ARFGEF3: variants seen among roughly 807,000 people sequenced by gnomAD.
ARFGEF3 encodes brefeldin A-inhibited guanine nucleotide-exchange protein 3.
ARFGEF3 carries 96 observed loss-of-function variants against 221.7 expected under a neutral mutation model. The observed-to-expected ratio is 0.43, with a 90% CI of 0.37 to 0.51. The LOEUF (loss-of-function observed/expected upper bound fraction) is 0.51, where lower values mean the gene tolerates loss of function less well. Among genes scored for constraint, ARFGEF3 ranks in the 20% least tolerant of loss-of-function variants. ARFGEF3 has a pLI of 0.00. For missense variants in ARFGEF3, 2,410 were observed against 2,789.9 expected (o/e 0.86, Z 3.07); for synonymous variants, 1,145 against 1,126.8 (o/e 1.02, Z -0.32).
At chr6:138,275,746 GA>G (rs541515243) in intron 12 of ARFGEF3, among the ~76,000 whole-genome samples, 3,614 of 111,274 alleles carry the variant, frequency 0.032, 102 homozygotes, top group African/African-American at 0.094. Context: ...TCTGACTCAG[GA>G]AAAAAAAAAA....
chr6:138,215,376 G>T (rs1264724846), intron 4 of ARFGEF3, among the ~76,000 whole-genome samples: 5 of 152,180 alleles, frequency 3.3e-5, no homozygotes, highest in African/African-American at 1.2e-4. Context: ...AGCATTTGAT[G>T]AATATTCTAT....
Position 138,311,453 on chromosome 6 carries a change from A to G in ARFGEF3, c.4143A>G (p.Gly1381=). Residue 1381 remains glycine, a synonymous_variant, in exon 25 of 34, where the codon GGA becomes GGG. Coordinates refer to ENST00000251691, the MANE Select transcript of ARFGEF3 (RefSeq NM_020340.5). ...KEIGDCAPAP[G]APSTDLCLPA... ...TTGGAGACTGTGCCCCAGCACCCGG[A>G]GCCCCGTCCACAGACCTGTGCCTCC... The G allele has an allele frequency of 1.9e-6, 3 of 1,608,906 alleles. No homozygotes were observed. Among genetic ancestry groups the G allele is most frequent in the Non-Finnish European group, 2.5e-6 (3 of 1,178,040 alleles).
intron 2 of ARFGEF3, among the ~76,000 whole-genome samples, chr6:138,195,016 T>TTC (rs1777384513): frequency 7.4e-6 from 1 of 135,812 alleles, no homozygotes; most frequent in African/African-American, 2.7e-5. Context: ...TTTTTTTTTT[T>TTC]TTTTGAGATG....
chr6:138,199,661 A>G (rs1777497406), intron 2 of ARFGEF3, among the ~76,000 whole-genome samples: 2 of 152,098 alleles, frequency 1.3e-5, no homozygotes, highest in Admixed American at 1.3e-4. Context: ...TGAGTTCTTG[A>G]TTTGATTCTC....
rs1341875150 is a variant in ARFGEF3, at chr6:138,334,969, C to A, written c.6123C>A (p.Phe2041Leu). The stretch of plus-strand genomic sequence containing the variant: ...AACAGCAGCACAACCTGTCCGCGTT[C>A]CCCAAAGAGGTCAAAGTGGAGAAGA... ...KRKQQHNLSA[F>L]PKEVKVEKKG... The change falls in exon 33 of 34, where the codon TTC (phenylalanine) becomes TTA (leucine). Residue 2041 changes from phenylalanine (F) to leucine (L), a missense_variant. By Grantham distance (22) the Phe-to-Leu change is conservative (BLOSUM62 0). Around this residue, in one of 5 missense-constraint regions of ARFGEF3, gnomAD observed 339 missense variants for 334.9 expected, o/e 1.01. Coordinates refer to ENST00000251691, the MANE Select transcript of ARFGEF3 (RefSeq NM_020340.5). This position sits in a 1 kb window ranked among gnomAD's most constrained non-coding sequence, Gnocchi z 5.1. 1.3e-6 allele frequency: 2 copies of A among 1,586,252 alleles called. No individual in the cohort carries two copies. The highest frequency in any genetic ancestry group is 2.3e-5 in the East Asian group (1 of 43,350).
At chr6:138,274,404 C>G (rs1477586476) in intron 12 of ARFGEF3, among the ~76,000 whole-genome samples, 1 of 152,170 alleles carries the variant, frequency 6.6e-6, no homozygotes, top group African/African-American at 2.4e-5. Context: ...TTGAGAGTGC[C>G]AGGGGTTCCC....
intron 4 of ARFGEF3, among the ~76,000 whole-genome samples, chr6:138,214,083 A>G (rs922401414): frequency 6.6e-6 from 1 of 152,212 alleles, no homozygotes; most frequent in Non-Finnish European, 1.5e-5. Context: ...CAACTTTTTA[A>G]TAATCTCCAG....
At chr6:138,197,486 T>C (rs1283614571) in intron 2 of ARFGEF3, among the ~76,000 whole-genome samples, 1 of 152,232 alleles carries the variant, frequency 6.6e-6, no homozygotes, top group Non-Finnish European at 1.5e-5. Context: ...CTGTACCTAA[T>C]TGTATGTGCT....
chr6:138,248,741 G>A (rs570563384), intron 8 of ARFGEF3, among the ~76,000 whole-genome samples: 9 of 152,214 alleles, frequency 5.9e-5, no homozygotes, highest in African/African-American at 1.7e-4. Context: ...CAGGAGAATC[G>A]CTTGAACCAG....
chr6:138,324,554 AAC>A (rs1780094999), intron 31 of ARFGEF3, among the ~76,000 whole-genome samples: 2 of 152,256 alleles, frequency 1.3e-5, no homozygotes, highest in Non-Finnish European at 2.9e-5. Context: ...CACAGAACTT[AAC>A]ATTTAAAAGT....
At chr6:138,231,064 C>T (rs1305634981) in intron 5 of ARFGEF3, among the ~76,000 whole-genome samples, 1 of 152,064 alleles carries the variant, frequency 6.6e-6, no homozygotes, top group Non-Finnish European at 1.5e-5. Flanking sequence ...AGACAAGGAG[C>T]AGAGGGTCTT....
intron 27 of ARFGEF3, among the ~76,000 whole-genome samples, chr6:138,318,000 A>G (rs1779956572): frequency 6.6e-6 from 1 of 152,200 alleles, no homozygotes; most frequent in Non-Finnish European, 1.5e-5. Context: ...ATTTCTCAAG[A>G]TCAAAGAAAC....
At chr6:138,247,825 C>A (rs756414990) in intron 8 of ARFGEF3, among the ~76,000 whole-genome samples, 34 of 152,176 alleles carry the variant, frequency 2.2e-4, no homozygotes, top group Non-Finnish European at 4.6e-4. Context: ...TGAGAAAATT[C>A]ACTTAAAAGA....
In ARFGEF3 at chr6:138,262,923, C is replaced by T; in HGVS notation, c.1440C>T (p.Arg480=). The T allele has an allele frequency of 6.2e-7, 1 of 1,608,002 alleles. No homozygotes were observed. Among genetic ancestry groups the T allele is most frequent in the Non-Finnish European group, 8.5e-7 (1 of 1,177,018 alleles). ...TGGAGATCAATGAGGCTGACTTCCG[C>T]TGGCAGCGGCGAGTGCTGTCCTCAG... ...DSMEINEADF[R]WQRRVLSSEH... is the part of the protein sequence containing the mutation. The change falls in exon 12 of 34, where the codon CGC becomes CGT. Residue 480 remains arginine (R), a synonymous_variant. Coordinates refer to ENST00000251691, the MANE Select transcript of ARFGEF3 (RefSeq NM_020340.5).
At chr6:138,180,389 A>G (rs187624258) in intron 2 of ARFGEF3, among the ~76,000 whole-genome samples, 17 of 152,348 alleles carry the variant, frequency 1.1e-4, no homozygotes, top group Admixed American at 1.1e-3. Flanking sequence ...CTGAGCATAC[A>G]TGCTGGACAG....
intron 32 of ARFGEF3, among the ~76,000 whole-genome samples, chr6:138,330,434 C>G (rs1780204972): frequency 6.6e-6 from 1 of 151,744 alleles, no homozygotes; most frequent in Admixed American, 6.5e-5. Context: ...TTGTAAGCCA[C>G]CCAGTCTATG....
chr6:138,203,326 GGC>G (rs756472026), intron 2 of ARFGEF3, among the ~76,000 whole-genome samples: 12 of 152,242 alleles, frequency 7.9e-5, no homozygotes, highest in Middle Eastern at 3.4e-3. Context: ...TGTGGCCTTG[GGC>G]AGGCTACAAA....
intron 14 of ARFGEF3, among the ~76,000 whole-genome samples, chr6:138,281,273 T>C (rs1779191234): frequency 6.6e-6 from 1 of 152,216 alleles, no homozygotes; most frequent in Non-Finnish European, 1.5e-5. Flanking sequence ...GTGAACAAGT[T>C]GGTGCCTTTT....
chr6:138,284,752 T>C (rs893434421), intron 14 of ARFGEF3, among the ~76,000 whole-genome samples: 1 of 152,234 alleles, frequency 6.6e-6, no homozygotes, highest in African/African-American at 2.4e-5. Flanking sequence ...TTACCTACTT[T>C]AAACATGGTC....
Sources: allele counts gnomAD v4.1 joint callset (sites outside exome capture counted in the v4.1 genomes callset), GRCh38; gene constraint gnomAD v4.1.1; regional missense constraint gnomAD v4.1.1; non-coding constraint Gnocchi (gnomAD v3.1); transcripts MANE v1.5; gene names NCBI Gene and HGNC (gene_info 2026-07-23, HGNC 2026-07-21).